The following FARP1 variants were observed in gnomAD, a reference collection of about 807,000 sequenced individuals.
FARP1 encodes FERM, ARH/RhoGEF and pleckstrin domain protein 1.
A neutral mutation model predicts 128.8 loss-of-function variants in FARP1; 52 were observed. The ratio of observed to expected loss-of-function variants is 0.40; its 90% CI spans 0.32 to 0.51. The LOEUF (loss-of-function observed/expected upper bound fraction) is 0.51, where lower values mean the gene tolerates loss of function less well. FARP1 is among the 20% of genes least tolerant of loss of function. FARP1 has a pLI of 0.45. For missense variants in FARP1, 1,333 were observed against 1,367.9 expected (o/e 0.97, Z 0.40); for synonymous variants, 580 against 551.8 (o/e 1.05, Z -0.72).
At chr13:98,356,621 T>TTTTATTTATTTATTTATTTATTTA (rs141310849) in intron 3 of FARP1, among the ~76,000 whole-genome samples, 2 of 144,304 alleles carry the variant, frequency 1.4e-5, no homozygotes, top group East Asian at 2.0e-4. Context: ...CCTTTTAAAA[T>TTTTATTTATTTATTTATTTATTTA]TTTATTTATT....
intron 1 of FARP1, among the ~76,000 whole-genome samples, chr13:98,172,101 C>T (rs1203569763): frequency 1.3e-5 from 2 of 151,904 alleles, no homozygotes; most frequent in Non-Finnish European, 2.9e-5. Context: ...GAAATCCGGC[C>T]GTTCTTTATC....
intron 6 of FARP1, 149 bp from the exon 7 acceptor site, chr13:98,384,581 C>A: frequency 1.6e-6 from 1 of 614,338 alleles, no homozygotes; most frequent in Non-Finnish European, 2.9e-6. Flanking sequence ...CCTGGCATCC[C>A]GTCTCTGAGA....
At chr13:98,219,610 G>A (rs978443199) in intron 2 of FARP1, among the ~76,000 whole-genome samples, 2 of 152,018 alleles carry the variant, frequency 1.3e-5, no homozygotes, top group Non-Finnish European at 2.9e-5. Flanking sequence ...TGGGATGACG[G>A]GCATGAGCCA....
intron 2 of FARP1, among the ~76,000 whole-genome samples, chr13:98,235,988 T>G (rs1339655892): frequency 6.6e-6 from 1 of 152,044 alleles, no homozygotes; most frequent in Non-Finnish European, 1.5e-5. Flanking sequence ...TACACACAAC[T>G]AATTTTTGTA....
rs1051403819 is a variant in FARP1 at position 98,451,140 on chromosome 13, T to C, written c.*2823T>C. The stretch of plus-strand genomic sequence containing the variant: ...TTCAGTGCTAAAAACTGTGATGTCA[T>C]TGTCCATTTGTAAATCTGAAGAACT... On this transcript the variant is annotated 3_prime_UTR_variant, in exon 27 of 27. Transcript: ENST00000319562. The C allele has an allele frequency of 6.6e-6, 1 of 152,306 alleles. No individual in the cohort carries two copies. Among genetic ancestry groups the C allele is most frequent in the East Asian group, 1.9e-4 (1 of 5,186 alleles). 9.4% of individuals were successfully genotyped at this position (152,306 alleles called of 1,614,324 possible).
chr13:98,315,571 T>C (rs1277603866), intron 2 of FARP1, among the ~76,000 whole-genome samples: 1 of 152,226 alleles, frequency 6.6e-6, no homozygotes, highest in Non-Finnish European at 1.5e-5. Flanking sequence ...TGGCCTTTCA[T>C]GAAAGTGCCA....
At chr13:98,227,111 C>G (rs1026473401) in intron 2 of FARP1, among the ~76,000 whole-genome samples, 2 of 151,940 alleles carry the variant, frequency 1.3e-5, no homozygotes, top group Non-Finnish European at 2.9e-5. Flanking sequence ...CGGCTAAGTT[C>G]TTTTGTATTT....
At chr13:98,370,060 C>A (rs929046421) in intron 5 of FARP1, among the ~76,000 whole-genome samples, 31 of 152,326 alleles carry the variant, frequency 2.0e-4, no homozygotes, top group Non-Finnish European at 5.9e-5. Context: ...AAGATAATAT[C>A]AGATAGCGGC....
At chr13:98,153,566 A>ATG (rs1377136186) in intron 1 of FARP1, among the ~76,000 whole-genome samples, 1 of 120,972 alleles carries the variant, frequency 8.3e-6, no homozygotes, top group East Asian at 2.3e-4. Context: ...ATTTATATAT[A>ATG]TTATATATAT....
At chr13:98,204,800 C>CTGG (rs1287856167) in intron 1 of FARP1, among the ~76,000 whole-genome samples, 5 of 152,112 alleles carry the variant, frequency 3.3e-5, no homozygotes, top group East Asian at 1.9e-4. Flanking sequence ...TGCATACTAA[C>CTGG]TGGTGGTGGT....
chr13:98,209,920 T>G (rs1219743108), intron 1 of FARP1, among the ~76,000 whole-genome samples: 1 of 150,802 alleles, frequency 6.6e-6, no homozygotes, highest in Admixed American at 6.6e-5. Context: ...AGGTGGAGGT[T>G]GCAGTGAGCC....
intron 2 of FARP1, chr13:98,328,202 A>G (rs1887317362): frequency 6.6e-6 from 1 of 152,084 alleles, no homozygotes; most frequent in African/African-American, 2.4e-5. Flanking sequence ...GAATCTTTGG[A>G]AAGAACTGGC....
At chr13:98,163,855 C>A (rs1203087201) in intron 1 of FARP1, among the ~76,000 whole-genome samples, 1 of 151,862 alleles carries the variant, frequency 6.6e-6, no homozygotes, top group Non-Finnish European at 1.5e-5. Context: ...ATGACAGGCA[C>A]CCGCCACCAC....
At chr13:98,357,636 T>C (rs1040311306) in intron 3 of FARP1, among the ~76,000 whole-genome samples, 10 of 152,186 alleles carry the variant, frequency 6.6e-5, no homozygotes, top group African/African-American at 2.4e-4. Flanking sequence ...TTTTCAAACA[T>C]ATGGAATATA....
At chr13:98,341,834 A>G (rs559254803) in intron 2 of FARP1, among the ~76,000 whole-genome samples, 2 of 152,314 alleles carry the variant, frequency 1.3e-5, no homozygotes, top group East Asian at 3.9e-4. Flanking sequence ...TCTTATATAT[A>G]ATATTCCCTT....
chr13:98,301,697 G>A (rs1252516553), intron 2 of FARP1, among the ~76,000 whole-genome samples: 3 of 152,134 alleles, frequency 2.0e-5, no homozygotes, highest in African/African-American at 7.2e-5. Context: ...CTTTTGGGGG[G>A]AAATCAAGTC....
intron 5 of FARP1, 31 bp from the exon 6 acceptor site, chr13:98,377,790 G>A (rs1343359361): frequency 1.9e-6 from 3 of 1,575,978 alleles, no homozygotes; most frequent in Non-Finnish European, 8.7e-7. Context: ...TGCCCTCTTT[G>A]CCTGACGCCC....
intron 3 of FARP1, among the ~76,000 whole-genome samples, chr13:98,350,175 C>T (rs924207783): frequency 4.6e-5 from 7 of 152,124 alleles, no homozygotes; most frequent in Non-Finnish European, 8.8e-5. Context: ...GGCAGGTCCC[C>T]AGAGGAGGCA....
At chr13:98,417,373 C>T (rs1261799036) in intron 16 of FARP1, among the ~76,000 whole-genome samples, 1 of 146,172 alleles carries the variant, frequency 6.8e-6, no homozygotes, top group Admixed American at 7.0e-5. Flanking sequence ...CTCGACTATA[C>T]CTTTATGGCA....
Sources: allele counts gnomAD v4.1 joint callset (sites outside exome capture counted in the v4.1 genomes callset), GRCh38; gene constraint gnomAD v4.1.1; transcripts MANE v1.5; gene names NCBI Gene and HGNC (gene_info 2026-07-23, HGNC 2026-07-21).